The following GALNTL6 variants were observed in gnomAD, a reference collection of about 807,000 sequenced individuals.
The protein encoded by GALNTL6 is polypeptide N-acetylgalactosaminyltransferase-like 6.
A neutral mutation model predicts 73.7 loss-of-function variants in GALNTL6; 46 were observed. That is an observed-to-expected ratio of 0.62 (90% CI 0.49 to 0.80). The LOEUF is 0.80. Ranked by LOEUF, GALNTL6 falls within the 30% of genes least tolerant of loss-of-function variation. The pLI, the probability that GALNTL6 is intolerant of heterozygous loss-of-function variation, is 0.00. For missense variants in GALNTL6, 604 were observed against 755.0 expected, an observed-to-expected ratio of 0.80 and a Z score of 2.34; for synonymous variants, 259 against 263.7, an observed-to-expected ratio of 0.98 and a Z score of 0.17.
intron 4 of GALNTL6, 37 bp from the exon 5 acceptor site, chr4:172,348,486 G>T (rs1741829904): frequency 7.1e-6 from 11 of 1,556,122 alleles, no homozygotes; most frequent in Non-Finnish European, 9.7e-6. Flanking sequence ...CAAGAGTTTT[G>T]TATTTGACAC....
At chr4:172,591,747 G>A (rs376512866) in intron 5 of GALNTL6, among the ~76,000 whole-genome samples, 33 of 152,154 alleles carry the variant, frequency 2.2e-4, no homozygotes, top group African/African-American at 7.2e-4. Flanking sequence ...CTCTCATTTC[G>A]TAAAATCTTT....
chr4:172,049,023 T>G (rs1730740208), intron 2 of GALNTL6, among the ~76,000 whole-genome samples: 1 of 152,196 alleles, frequency 6.6e-6, no homozygotes, highest in Non-Finnish European at 1.5e-5. Context: ...TAACGCAATT[T>G]GTTTCTTAGA....
At chr4:172,727,559 T>A (rs1735891800) in intron 5 of GALNTL6, among the ~76,000 whole-genome samples, 1 of 152,198 alleles carries the variant, frequency 6.6e-6, no homozygotes, top group East Asian at 1.9e-4. Flanking sequence ...GGTAATCCCA[T>A]ATTGCTGATG....
At chr4:172,201,772 G>A (rs181873171) in intron 2 of GALNTL6, among the ~76,000 whole-genome samples, 4 of 152,244 alleles carry the variant, frequency 2.6e-5, no homozygotes, top group African/African-American at 7.2e-5. Flanking sequence ...ATGACATTAA[G>A]TGCCTTAATT....
At chr4:172,754,507 G>A (rs1365032538) in intron 5 of GALNTL6, among the ~76,000 whole-genome samples, 1 of 152,112 alleles carries the variant, frequency 6.6e-6, no homozygotes, top group Non-Finnish European at 1.5e-5. Context: ...GGGAGGTGGA[G>A]GTTGCAGTGA....
intron 2 of GALNTL6, among the ~76,000 whole-genome samples, chr4:172,010,436 G>A (rs1477924041): frequency 6.6e-6 from 1 of 151,932 alleles, no homozygotes; most frequent in Non-Finnish European, 1.5e-5. Context: ...CATAGAATAG[G>A]AGAAAATAAA....
At chr4:172,049,390 G>T (rs1730754908) in intron 2 of GALNTL6, among the ~76,000 whole-genome samples, 1 of 152,028 alleles carries the variant, frequency 6.6e-6, no homozygotes, top group African/African-American at 2.4e-5. Context: ...TTAAACTCCT[G>T]CCCACATGCC....
chr4:172,212,350 C>T (rs113973112), intron 2 of GALNTL6, among the ~76,000 whole-genome samples: 1 of 151,582 alleles, frequency 6.6e-6, no homozygotes, highest in Admixed American at 6.6e-5. Flanking sequence ...TTAGTAAAGA[C>T]GGGGTTTCAC....
chr4:172,098,873 C>T lies in GALNTL6; in HGVS notation c.139-130783C>T, dbSNP rs146853855. Among the ~76,000 whole-genome samples, 1,065 of 152,110 alleles carry T rather than the reference C, an allele frequency of 7.0e-3. 9 individuals carry two copies. Among genetic ancestry groups the T allele is most frequent in the Non-Finnish European group, 0.01 (685 of 68,004 alleles). ...TGATGATACACAGGTCAGTACTCCA[C>T]CCCCAAACAAATTATCGGACCCTAA... On this transcript the variant is annotated intron_variant, in intron 2 of 12. Transcript: ENST00000506823.
chr4:172,477,692 TA>T (rs774273993), intron 5 of GALNTL6, among the ~76,000 whole-genome samples: 1 of 152,234 alleles, frequency 6.6e-6, no homozygotes. Context: ...ATTCATCTAA[TA>T]ACAAAACAGG....
intron 12 of GALNTL6, among the ~76,000 whole-genome samples, chr4:173,036,839 C>CA (rs904491738): frequency 8.6e-5 from 13 of 151,686 alleles, no homozygotes; most frequent in Admixed American, 2.6e-4. Context: ...GTCTATTCCA[C>CA]AAAAAAAACT....
Position 172,229,761 on chromosome 4 carries a change from T to G in GALNTL6, c.244T>G (p.Ser82Ala), listed in dbSNP as rs1736989280. The change falls in exon 3 of 13, where the codon TCA (serine) becomes GCA (alanine). Residue 82 changes from serine (S) to alanine (A), a missense_variant. Around this residue, in one of 5 missense-constraint regions of GALNTL6, gnomAD observed 141 missense variants for 156.6 expected, o/e 0.90. Coordinates refer to ENST00000506823, the MANE Select transcript of GALNTL6 (RefSeq NM_001034845.3). ...YESIQKEAMR[S>A]GKGEHGKPYP... ...AAGCATTCAGAAAGAGGCTATGCGC[T>G]CAGGTATGAAGCTCAGTGTACGCCA... 1 of 1,600,454 alleles carries G rather than the reference T, an allele frequency of 6.2e-7. No individual in the cohort carries two copies. The highest frequency in any genetic ancestry group is 2.2e-5 in the East Asian group (1 of 44,824).
At chr4:172,089,581 G>A (rs1366081195) in intron 2 of GALNTL6, among the ~76,000 whole-genome samples, 1 of 151,910 alleles carries the variant, frequency 6.6e-6, no homozygotes, top group Non-Finnish European at 1.5e-5. Flanking sequence ...GAATATTCAG[G>A]ATTAAGTCTA....
intron 8 of GALNTL6, among the ~76,000 whole-genome samples, chr4:172,903,312 A>AT (rs1746723073): frequency 6.6e-6 from 1 of 152,264 alleles, no homozygotes; most frequent in Admixed American, 6.5e-5. Flanking sequence ...TACTGCAGGG[A>AT]TTTTAACTAA....
chr4:171,885,156 C>T (rs563387065), intron 2 of GALNTL6, among the ~76,000 whole-genome samples: 5 of 152,166 alleles, frequency 3.3e-5, no homozygotes, highest in Admixed American at 2.6e-4. Context: ...TACATGGTCT[C>T]GCATGAAGTC....
intron 5 of GALNTL6, among the ~76,000 whole-genome samples, chr4:172,680,861 T>A (rs919284444): frequency 2.6e-5 from 4 of 152,184 alleles, no homozygotes; most frequent in African/African-American, 9.7e-5. Context: ...AAAACAGTAA[T>A]CAGTTGAGAC....
chr4:171,874,816 T>C (rs554356031), intron 2 of GALNTL6, among the ~76,000 whole-genome samples: 2 of 152,296 alleles, frequency 1.3e-5, no homozygotes, highest in Admixed American at 6.5e-5. Context: ...AAATAAAACA[T>C]TAAATATCAC....
intron 5 of GALNTL6, among the ~76,000 whole-genome samples, chr4:172,483,083 A>G (rs914016140): frequency 9.8e-5 from 15 of 152,310 alleles, no homozygotes; most frequent in African/African-American, 3.6e-4. Context: ...TGTGTGTATA[A>G]TACACTAATC....
chr4:172,489,411 T>C (rs1733817311), intron 5 of GALNTL6, among the ~76,000 whole-genome samples: 1 of 152,246 alleles, frequency 6.6e-6, no homozygotes, highest in Non-Finnish European at 1.5e-5. Context: ...TCTAAATTGA[T>C]TTACGCATGT....
Sources: allele counts gnomAD v4.1 joint callset (sites outside exome capture counted in the v4.1 genomes callset), GRCh38; gene constraint gnomAD v4.1.1; regional missense constraint gnomAD v4.1.1; transcripts MANE v1.5; gene names NCBI Gene and HGNC (gene_info 2026-07-23, HGNC 2026-07-21).